NECAP1: variants seen among roughly 807,000 people sequenced by gnomAD.
NECAP1 encodes adaptin ear-binding coat-associated protein 1.
Under a neutral mutation model 33.4 loss-of-function variants are expected in NECAP1, and 13 were observed. The observed-to-expected ratio is 0.39, with a 90% CI of 0.25 to 0.62. NECAP1 has a LOEUF of 0.62. NECAP1 is among the 20% of genes least tolerant of loss of function. The pLI is 0.52. For synonymous variants in NECAP1, 109 were observed against 125.2 expected (o/e 0.87, Z 0.86); for missense variants, 272 against 347.4 (o/e 0.78, Z 1.73).
At chr12:8,089,041 G>T (rs759596871) in intron 1 of NECAP1, 1 of 152,086 alleles carries the variant, frequency 6.6e-6, no homozygotes, top group African/African-American at 2.4e-5. Context: ...TTTTACCTTA[G>T]AACTCACCAC....
intron 6 of NECAP1, chr12:8,093,485 G>A (rs11043338): frequency 0.26 from 44,505 of 169,900 alleles, 6,699 homozygotes; most frequent in Admixed American, 0.39. Flanking sequence ...CCAGCACTTT[G>A]GGAGGCTGAG....
At chr12:8,087,666 C>T (rs942615846) in intron 1 of NECAP1, among the ~76,000 whole-genome samples, 2 of 151,710 alleles carry the variant, frequency 1.3e-5, no homozygotes, top group Non-Finnish European at 2.9e-5. Context: ...TGGTTATAGG[C>T]GTGAGCCACG....
chr12:8,089,708 A>G, intron 1 of NECAP1: 1 of 484,630 alleles, frequency 2.1e-6, no homozygotes, highest in Non-Finnish European at 3.7e-6. Context: ...CATCTTTTTA[A>G]TGATGCTTAT....
intron 1 of NECAP1, among the ~76,000 whole-genome samples, chr12:8,083,471 C>T (rs1176245901): frequency 7.7e-6 from 1 of 129,150 alleles, no homozygotes; most frequent in Non-Finnish European, 1.6e-5. Flanking sequence ...ACTTTGTTGC[C>T]CAGGCCGGAG....
intron 6 of NECAP1, chr12:8,095,335 G>A (rs1009475384): frequency 7.6e-5 from 19 of 250,642 alleles, no homozygotes; most frequent in African/African-American, 3.0e-4. Context: ...TGCAAGCTCC[G>A]CTTCCCGGGT....
rs1947594227 is a variant in NECAP1 at position 8,096,328 on chromosome 12, A to G, written c.*238A>G. On this transcript the variant is annotated 3_prime_UTR_variant, in exon 8 of 8. Coordinates refer to ENST00000339754, the MANE Select transcript of NECAP1 (RefSeq NM_015509.4). ...TAGTACCAAGGTAGGGGACTAGTGG[A>G]TCTTATCATAGTTTTGGCTGACTAT... The G allele has an allele frequency of 2.2e-6, 1 of 444,714 alleles. No homozygotes were observed. Among genetic ancestry groups the G allele is most frequent in the Non-Finnish European group, 4.0e-6 (1 of 247,936 alleles). The allele number at this position is 444,714 out of a possible 1,614,324, so 27.5% of individuals were successfully genotyped here. A position where few individuals can be genotyped will look rare whatever the true frequency, so the allele number is the denominator to read the frequency against.
intron 1 of NECAP1, among the ~76,000 whole-genome samples, chr12:8,083,421 CTTTTTT>C (rs71042328): frequency 9.6e-4 from 63 of 65,844 alleles, no homozygotes; most frequent in African/African-American, 3.7e-3. Context: ...TTTGTTTGTT[CTTTTTT>C]TTTTTTTTTT....
At chr12:8,086,863 C>T (rs972899309) in intron 1 of NECAP1, among the ~76,000 whole-genome samples, 4 of 151,530 alleles carry the variant, frequency 2.6e-5, no homozygotes, top group East Asian at 1.9e-4. Context: ...TGCTTGAACC[C>T]GAGGTTGCAG....
chr12:8,097,869 C>T lies in NECAP1; in HGVS notation c.*1779C>T, dbSNP rs1217984711. The T allele has an allele frequency of 2.0e-5, 3 of 152,288 alleles. No individual in the cohort carries two copies. The highest frequency in any genetic ancestry group is 4.4e-5 in the Non-Finnish European group (3 of 68,016). The allele number at this position is 152,288 out of a possible 1,614,324, so 9.4% of individuals were successfully genotyped here. On this transcript the variant is annotated 3_prime_UTR_variant, in exon 8 of 8. Transcript: ENST00000339754. ...GTTAATAAAGGATATTTATATCACTCTTTATTAAGAAATAAGGCTTTTAAG... is the reference window on the plus strand; with the variant it reads ...GTTAATAAAGGATATTTATATCACTTTTTATTAAGAAATAAGGCTTTTAAG...
In NECAP1 at chr12:8,096,382, G is replaced by T; in HGVS notation, c.*292G>T. The T allele has an allele frequency of 3.1e-6, 1 of 324,990 alleles. No homozygotes were observed. 20.1% of individuals were successfully genotyped at this position (324,990 alleles called of 1,614,324 possible). A position where few individuals can be genotyped will look rare whatever the true frequency, so the allele number is the denominator to read the frequency against. ...GGGCTTAAAAGGCCAGCGTCTGTTT[G>T]AGGGGGAATGACCTCTAACATCTGT... On this transcript the variant is annotated 3_prime_UTR_variant, in exon 8 of 8. Transcript: ENST00000339754.
intron 1 of NECAP1, chr12:8,088,945 C>T (rs996597594): frequency 3.3e-5 from 5 of 152,166 alleles, no homozygotes; most frequent in African/African-American, 1.2e-4. Context: ...CTTAATGAGA[C>T]CTACCCCAAC....
In NECAP1 at chr12:8,083,527, T is replaced by A. The variant is rs745505060; in HGVS notation, c.95+1144T>A. The stretch of plus-strand genomic sequence containing the variant: ...TCACTGCAACCTCCGCCTCCTGGGT[T>A]CAAGCGATTCTCCTGCTTCAGCTTC... On this transcript the variant is annotated intron_variant, in intron 1 of 7. Transcript: ENST00000339754. Among the ~76,000 whole-genome samples, 10 of 143,288 alleles carry A rather than the reference T, an allele frequency of 7.0e-5. No homozygotes were observed. In the South Asian group the frequency reaches 2.3e-3, roughly 33 times the overall value. 94.0% of individuals were successfully genotyped at this position (143,288 alleles called of 152,430 possible). A position where few individuals can be genotyped will look rare whatever the true frequency, so the allele number is the denominator to read the frequency against.
chr12:8,085,007 A>C (rs1947473958), intron 1 of NECAP1, among the ~76,000 whole-genome samples: 1 of 151,880 alleles, frequency 6.6e-6, no homozygotes, highest in Non-Finnish European at 1.5e-5. Flanking sequence ...AAGTGGGATT[A>C]TATTCTTTTT....
rs1398882533 is a variant in NECAP1, at chr12:8,096,262, T to C, written c.*172T>C. ...GCTGGTTTATGTCACTCCCCTGTGTTGTTACTTGTACAGCCAAGAAAGTAT... is the reference window on the plus strand; with the variant it reads ...GCTGGTTTATGTCACTCCCCTGTGTCGTTACTTGTACAGCCAAGAAAGTAT... On this transcript the variant is annotated 3_prime_UTR_variant, in exon 8 of 8. Transcript: ENST00000339754. 2 of 644,220 alleles carry C rather than the reference T, an allele frequency of 3.1e-6. No homozygotes were observed. The highest frequency in any genetic ancestry group is 5.3e-6 in the Non-Finnish European group (2 of 376,698). The allele number at this position is 644,220 out of a possible 1,614,324, so 39.9% of individuals were successfully genotyped here.
At chr12:8,084,872 T>A (rs1947473208) in intron 1 of NECAP1, among the ~76,000 whole-genome samples, 1 of 152,132 alleles carries the variant, frequency 6.6e-6, no homozygotes, top group African/African-American at 2.4e-5. Flanking sequence ...AAAGAAGAAA[T>A]CAGTAGATTA....
At chr12:8,089,803 A>G (rs1253914813) in intron 1 of NECAP1, 133 bp from the exon 2 acceptor site, 2 of 713,174 alleles carry the variant, frequency 2.8e-6, no homozygotes, top group African/African-American at 1.8e-5. Flanking sequence ...TAGATCATGA[A>G]TTATTCTTGT....
chr12:8,093,677 T>TGTGCC (rs1947569802), intron 6 of NECAP1: 1 of 152,280 alleles, frequency 6.6e-6, no homozygotes, highest in African/African-American at 2.4e-5. Context: ...GAACCATGAT[T>TGTGCC]GTGCCACTGT....
rs1334279193 is a variant in NECAP1, at chr12:8,096,979, C to A, written c.*889C>A. On this transcript the variant is annotated 3_prime_UTR_variant, in exon 8 of 8. Coordinates refer to ENST00000339754, the MANE Select transcript of NECAP1 (RefSeq NM_015509.4). ...AGTTGAAGGGTTTAGAGTTTTTAAC[C>A]TGATCTGTAGAGCAGAGAGGTTGAA... 1 of 152,618 alleles carries A rather than the reference C, an allele frequency of 6.6e-6. No individual in the cohort carries two copies. Among genetic ancestry groups the A allele is most frequent in the African/African-American group, 2.4e-5 (1 of 41,446 alleles). The allele number at this position is 152,618 out of a possible 1,614,324, so 9.5% of individuals were successfully genotyped here.
At chr12:8,095,563 T>G in intron 6 of NECAP1, 38 bp from the exon 7 acceptor site, 25 of 1,521,448 alleles carry the variant, frequency 1.6e-5, no homozygotes, top group Non-Finnish European at 2.1e-5. Flanking sequence ...AAGATTTTGA[T>G]TATGTTTTTC....
Sources: gnomAD v4.1 joint callset for allele counts (sites outside exome capture counted in the v4.1 genomes callset) on GRCh38, gnomAD v4.1.1 for gene constraint, MANE v1.5 for transcripts, NCBI Gene and HGNC (gene_info 2026-07-23, HGNC 2026-07-21) for gene names.